Variants in DDX23 observed in about 807,000 individuals in gnomAD.
DDX23 encodes the protein DEAD-box helicase 23.
Under a neutral mutation model 102.7 loss-of-function variants are expected in DDX23, and 33 were observed. The ratio of observed to expected loss-of-function variants is 0.32; its 90% confidence interval spans 0.24 to 0.43. The LOEUF (loss-of-function observed/expected upper bound fraction) is 0.43. Among genes scored for constraint, DDX23 ranks in the 20% least tolerant of loss-of-function variants. DDX23 has a pLI of 1.00. For missense variants in DDX23, 549 were observed against 1,086.6 expected, an observed-to-expected ratio of 0.51 and a Z score of 6.96; for synonymous variants, 352 against 376.0, an observed-to-expected ratio of 0.94 and a Z score of 0.74.
intron 15 of DDX23, 82 bp from the exon 16 acceptor site, chr12:48,831,398 A>C (rs931977729): frequency 2.0e-5 from 28 of 1,383,558 alleles, no homozygotes; most frequent in Non-Finnish European, 2.8e-5. Flanking sequence ...GACACAGATG[A>C]AGGGAGGGTT....
chr12:48,838,011 G>A lies in DDX23; in HGVS notation c.550C>T (p.Arg184Trp), dbSNP rs1210488388. The change falls in exon 6 of 17, where the codon CGG (arginine) becomes TGG (tryptophan). Residue 184 changes from arginine to tryptophan, a missense_variant. By Grantham distance (101) the Arg-to-Trp change is moderately radical (BLOSUM62 -3). Transcript: ENST00000308025. Reference protein sequence around the residue: ...LKRRQQEVEERQRMLEEERKK... With the variant: ...LKRRQQEVEEWQRMLEEERKK... ...CTCTCTTCTTCAAGCATCCTCTGCC[G>A]CTCTTCCACCTCCTGCTGCCGTCGC... The A allele has an allele frequency of 1.6e-5, 26 of 1,613,972 alleles. No individual in the cohort carries two copies. The highest frequency in any genetic ancestry group is 1.6e-4 in the Middle Eastern group (1 of 6,062).
intron 3 of DDX23, among the ~76,000 whole-genome samples, chr12:48,843,500 A>G (rs886087100): frequency 1.3e-4 from 18 of 143,406 alleles, no homozygotes; most frequent in African/African-American, 5.3e-4. Flanking sequence ...AGAGCTCTGT[A>G]ATAACTACCA....
rs963857202 is a variant in DDX23, at chr12:48,836,432, T to C, written c.1236+137A>G. 49 of 1,236,092 alleles carry C rather than the reference T, an allele frequency of 4.0e-5. No individual in the cohort carries two copies. Among genetic ancestry groups the C allele is most frequent in the African/African-American group, 6.0e-5 (4 of 66,262 alleles). The allele number at this position is 1,236,092 out of a possible 1,614,324, so 76.6% of individuals were successfully genotyped here. On this transcript the variant is annotated intron_variant, in intron 10 of 16. Transcript: ENST00000308025. The surrounding 1 kb of genome is among the most constrained non-coding windows in gnomAD (Gnocchi z 6.1). ...CCTAATCACTAAAAGCCAACACTTC[T>C]ACCAGAAAGTGACAGAAAAGGTCAC...
At position 48,839,972 on chromosome 12, in the gene DDX23, C is replaced by G. The variant is rs764957415; in HGVS notation, c.414+41G>C. 5.0e-6 allele frequency: 8 copies of G among 1,611,508 alleles called. No individual in the cohort carries two copies. In the South Asian group the frequency reaches 8.8e-5, roughly 18 times the overall value. The stretch of plus-strand genomic sequence containing the variant: ...CTCCCTTTAAAGATCAACAAAGCAA[C>G]GCACGAGTTGAAGATGAAAAATATC... On this transcript the variant is annotated intron_variant, in intron 4 of 16. Transcript: ENST00000308025.
In DDX23 at chr12:48,830,995, G is replaced by A. The variant is rs560817212; in HGVS notation, c.2239+147C>T. 6.6e-5 allele frequency: 59 copies of A among 894,008 alleles called. 1 individual carries two copies. The East Asian group carries it at 1.2e-3, about 18-fold the overall frequency. The allele number at this position is 894,008 out of a possible 1,614,324, so 55.4% of individuals were successfully genotyped here. A position where few individuals can be genotyped will look rare whatever the true frequency, so the allele number is the denominator to read the frequency against. On this transcript the variant is annotated intron_variant, in intron 16 of 16. Coordinates refer to ENST00000308025, the MANE Select transcript of DDX23 (RefSeq NM_004818.3). This position sits in a 1 kb window ranked among gnomAD's most constrained non-coding sequence, Gnocchi z 4.9. ...CAAACCCAGGTAAGATAAAGGACAGGAGTGCTTCTCATGGGAGCAAGCAAT... is the reference window on the plus strand; with the variant it reads ...CAAACCCAGGTAAGATAAAGGACAGAAGTGCTTCTCATGGGAGCAAGCAAT...
intron 11 of DDX23, chr12:48,834,783 A>C: frequency 3.9e-6 from 1 of 257,950 alleles, no homozygotes; most frequent in Non-Finnish European, 7.5e-6. Flanking sequence ...AAAATACAAA[A>C]ATTAGCCAGG....
intron 1 of DDX23, among the ~76,000 whole-genome samples, chr12:48,851,135 G>A (rs1410473431): frequency 5.9e-5 from 9 of 152,138 alleles, no homozygotes; most frequent in Admixed American, 5.9e-4. Flanking sequence ...GGTGCTATGT[G>A]AGTTACAAAA....
chr12:48,830,753 T>G lies in DDX23; in HGVS notation c.2240-61A>C. The G allele has an allele frequency of 6.7e-7, 1 of 1,492,660 alleles. No homozygotes were observed. Among genetic ancestry groups the G allele is most frequent in the South Asian group, 1.3e-5 (1 of 77,530 alleles). 92.5% of individuals were successfully genotyped at this position (1,492,660 alleles called of 1,614,324 possible). ...AGATGCCCTGGGGAGCCGTGTCTGATGCCTCCACTTCTAGAGGCATCCTTC... is the reference window on the plus strand; with the variant it reads ...AGATGCCCTGGGGAGCCGTGTCTGAGGCCTCCACTTCTAGAGGCATCCTTC... On this transcript the variant is annotated intron_variant, in intron 16 of 16. Coordinates refer to ENST00000308025, the MANE Select transcript of DDX23 (RefSeq NM_004818.3). This position sits in a 1 kb window ranked among gnomAD's most constrained non-coding sequence, Gnocchi z 4.9.
chr12:48,839,719 C>T (rs1938519241), intron 5 of DDX23, 125 bp downstream of exon 5: 3 of 942,482 alleles, frequency 3.2e-6, no homozygotes, highest in Non-Finnish European at 3.2e-6. Flanking sequence ...CCTGCTGACA[C>T]TCCGCTCTCA....
chr12:48,836,391 G>T lies in DDX23; in HGVS notation c.1237-125C>A. 2 of 1,317,620 alleles carry T rather than the reference G, an allele frequency of 1.5e-6. No individual in the cohort carries two copies. Among genetic ancestry groups the T allele is most frequent in the Non-Finnish European group, 2.1e-6 (2 of 942,752 alleles). 81.6% of individuals were successfully genotyped at this position (1,317,620 alleles called of 1,614,324 possible). A position where few individuals can be genotyped will look rare whatever the true frequency, so the allele number is the denominator to read the frequency against. On this transcript the variant is annotated intron_variant, in intron 10 of 16. Coordinates refer to ENST00000308025, the MANE Select transcript of DDX23 (RefSeq NM_004818.3). The surrounding 1 kb of genome is among the most constrained non-coding windows in gnomAD (Gnocchi z 6.1). ...TGCCAAGTACAGTTCACAGAAATAG[G>T]GACCCCAAGAAGAAACCTAATCACT...
intron 5 of DDX23, among the ~76,000 whole-genome samples, chr12:48,838,308 T>C (rs1938494643): frequency 6.6e-6 from 1 of 152,164 alleles, no homozygotes. Context: ...CCCAGTGTTT[T>C]ATGAGACCTA....
rs143087510 is a variant in DDX23 at position 48,843,953 on chromosome 12, G to A, written c.307C>T (p.Arg103Cys). 1.9e-5 allele frequency: 30 copies of A among 1,613,892 alleles called. No homozygotes were observed. The highest frequency in any genetic ancestry group is 6.7e-5 in the East Asian group (3 of 44,882). The change falls in exon 3 of 17, where the codon CGT becomes TGT. Residue 103 changes from arginine to cysteine, a missense_variant. Arg to Cys is a radical substitution (Grantham distance 180, BLOSUM62 -3). Around this residue, in one of 4 missense-constraint regions of DDX23, gnomAD observed 241 missense variants for 267.0 expected, o/e 0.90. Transcript: ENST00000308025. ...TCCTTCATGTACCTGGATCGTTTAC[G>A]GTCCTTGTCCCGTCTGTGCCCATCC... Reference protein sequence around the residue: ...DKDGHRRDKDRKRSSLSPGRG... With the variant: ...DKDGHRRDKDCKRSSLSPGRG...
At chr12:48,847,752 G>GC (rs1411419031) in intron 1 of DDX23, among the ~76,000 whole-genome samples, 1 of 151,786 alleles carries the variant, frequency 6.6e-6, no homozygotes. Context: ...GGAGGCAGAG[G>GC]CTGCAGTAAG....
At chr12:48,833,941 G>A (rs1337637010) in intron 12 of DDX23, among the ~76,000 whole-genome samples, 1 of 152,132 alleles carries the variant, frequency 6.6e-6, no homozygotes, top group Non-Finnish European at 1.5e-5. Context: ...CCACTTTCCT[G>A]AGATGAAGGC....
intron 2 of DDX23, 87 bp from the exon 3 acceptor site, chr12:48,844,137 TC>T: frequency 8.3e-7 from 1 of 1,201,730 alleles, no homozygotes; most frequent in East Asian, 2.3e-5. Context: ...TATACTCTCG[TC>T]CCAAAGTAAT....
chr12:48,834,713 C>T (rs998197540), intron 11 of DDX23: 2 of 438,436 alleles, frequency 4.6e-6, no homozygotes, highest in African/African-American at 4.0e-5. Flanking sequence ...GCAGGCGGAT[C>T]ACCTGAAGTC....
chr12:48,837,488 G>C, intron 7 of DDX23, 36 bp downstream of exon 7: 1 of 1,613,388 alleles, frequency 6.2e-7, no homozygotes, highest in Non-Finnish European at 8.5e-7. Context: ...TCATTTTTGT[G>C]TGGGAGAGAA....
At chr12:48,838,311 G>A (rs1185103002) in intron 5 of DDX23, among the ~76,000 whole-genome samples, 1 of 152,198 alleles carries the variant, frequency 6.6e-6, no homozygotes, top group East Asian at 1.9e-4. Context: ...AGTGTTTTAT[G>A]AGACCTAGAT....
rs367918513 is a variant in DDX23 at position 48,830,530 on chromosome 12, G to C, written c.2402C>G (p.Ala801Gly). Residue 801 changes from alanine (A) to glycine (G), a missense_variant, in exon 17 of 17, where the codon GCC becomes GGC. Around this residue, in one of 4 missense-constraint regions of DDX23, gnomAD observed 38 missense variants for 94.5 expected, o/e 0.40. Transcript: ENST00000308025. The surrounding 1 kb of genome is among the most constrained non-coding windows in gnomAD (Gnocchi z 4.9). Reference sequence around the variant, plus strand: ...GAGGATGGTGCCTGGCTTATGCTGGGCATCTGGGTGGTTGGCTAGTTCGGG... The same window carrying C: ...GAGGATGGTGCCTGGCTTATGCTGGCCATCTGGGTGGTTGGCTAGTTCGGG... ...CPPELANHPDAQHKPGTILTK... is the reference protein window; with the variant it reads ...CPPELANHPDGQHKPGTILTK... 1.9e-5 allele frequency: 30 copies of C among 1,613,668 alleles called. No homozygotes were observed. The highest frequency in any genetic ancestry group is 2.5e-5 in the Non-Finnish European group (29 of 1,180,024).
Sources: allele counts gnomAD v4.1 joint callset (sites outside exome capture counted in the v4.1 genomes callset), GRCh38; gene constraint gnomAD v4.1.1; regional missense constraint gnomAD v4.1.1; non-coding constraint Gnocchi (gnomAD v3.1); transcripts MANE v1.5; gene names NCBI Gene and HGNC (gene_info 2026-07-23, HGNC 2026-07-21).